ASAP3: variants seen among roughly 807,000 people sequenced by gnomAD.
ASAP3 encodes the protein arf-GAP with SH3 domain, ANK repeat and PH domain-containing protein 3.
ASAP3 carries 85 observed loss-of-function variants against 118.2 expected under a neutral mutation model. That is an observed-to-expected ratio of 0.72 (90% confidence interval 0.60 to 0.86). ASAP3 has a LOEUF of 0.86. ASAP3 is among the 40% of genes least tolerant of loss of function. ASAP3 has a pLI of 0.00. For missense variants in ASAP3, 1,026 were observed against 1,175.0 expected, an observed-to-expected ratio of 0.87 and a Z score of 1.85; for synonymous variants, 432 against 477.4, an observed-to-expected ratio of 0.90 and a Z score of 1.24.
At position 23,434,517 on chromosome 1, in the gene ASAP3, G is replaced by A. The variant is rs751781276; in HGVS notation, c.1835+16C>T. 16 of 1,613,810 alleles carry A rather than the reference G, an allele frequency of 9.9e-6. No individual in the cohort carries two copies. Among genetic ancestry groups the A allele is most frequent in the Non-Finnish European group, 1.1e-5 (13 of 1,179,858 alleles). ...GGAGTGTGAGGAGCCAGACAGACAG[G>A]CAGGGAGGCTCTCACCCGTTCTGGA... On this transcript the variant is annotated intron_variant, in intron 18 of 24. Coordinates refer to ENST00000336689, the MANE Select transcript of ASAP3 (RefSeq NM_017707.4).
intron 3 of ASAP3, among the ~76,000 whole-genome samples, chr1:23,453,209 G>A (rs576342762): frequency 1.2e-4 from 18 of 152,162 alleles, no homozygotes; most frequent in African/African-American, 1.9e-4. Flanking sequence ...TGTAGTGCAC[G>A]TCTGTTGTTC....
chr1:23,454,857 C>G (rs1344059597), intron 3 of ASAP3, among the ~76,000 whole-genome samples: 5 of 152,170 alleles, frequency 3.3e-5, no homozygotes, highest in Non-Finnish European at 4.4e-5. Context: ...AGATGAGAGA[C>G]CTGGGGCTTG....
At chr1:23,471,753 A>G (rs1641966661) in intron 1 of ASAP3, among the ~76,000 whole-genome samples, 1 of 152,184 alleles carries the variant, frequency 6.6e-6, no homozygotes, top group Non-Finnish European at 1.5e-5. Context: ...CAGGCATTTA[A>G]GCACGTGGCC....
chr1:23,484,323 C>A (rs943243457), upstream of ASAP3: 49 of 500,186 alleles, frequency 9.8e-5, no homozygotes, highest in Non-Finnish European at 1.4e-4. Context: ...CCCGGCTCCT[C>A]GCCTTCCTCC....
chr1:23,432,004 A>ATT (rs757118739), intron 22 of ASAP3, 86 bp from the exon 23 acceptor site: 417 of 621,950 alleles, frequency 6.7e-4, no homozygotes, highest in African/African-American at 1.4e-3. Context: ...GGCCTCTAGG[A>ATT]TTTTTTTTTT....
chr1:23,436,525 A>G lies in ASAP3; in HGVS notation c.1571+35T>C, dbSNP rs749367665. 2.5e-6 allele frequency: 4 copies of G among 1,608,034 alleles called. No homozygotes were observed. Among genetic ancestry groups the G allele is most frequent in the South Asian group, 1.1e-5 (1 of 90,972 alleles). On this transcript the variant is annotated intron_variant, in intron 16 of 24. Transcript: ENST00000336689. The surrounding 1 kb of genome is among the most constrained non-coding windows in gnomAD (Gnocchi z 4.2). Reference sequence around the variant, plus strand: ...GGACACTGCGGAGGCAGAATCCCCTAGGCAGGGTGCCCCTCTCTCTGAGAA... The same window carrying G: ...GGACACTGCGGAGGCAGAATCCCCTGGGCAGGGTGCCCCTCTCTCTGAGAA...
chr1:23,431,666 C>T lies in ASAP3; in HGVS notation c.2546+30G>A, dbSNP rs923222401. 6.6e-6 allele frequency: 10 copies of T among 1,511,476 alleles called. No homozygotes were observed. The East Asian group carries it at 2.1e-4, about 32-fold the overall frequency. 93.6% of individuals were successfully genotyped at this position (1,511,476 alleles called of 1,614,324 possible). ...ATGCTCAGAGAAGTCAGGGGATTTG[C>T]CCTGGTTGCACAGCTGGGCCCTCAC... On this transcript the variant is annotated intron_variant, in intron 23 of 24. Coordinates refer to ENST00000336689, the MANE Select transcript of ASAP3 (RefSeq NM_017707.4).
chr1:23,466,013 A>G (rs1324074073), intron 1 of ASAP3, among the ~76,000 whole-genome samples: 1 of 152,148 alleles, frequency 6.6e-6, no homozygotes, highest in African/African-American at 2.4e-5. Flanking sequence ...ACAGAGGGAG[A>G]TCTGTCCAAG....
In ASAP3 at chr1:23,433,510, G is replaced by T. The variant is rs1207185210; in HGVS notation, c.2042C>A (p.Thr681Asn). Residue 681 changes from threonine to asparagine, a missense_variant, in exon 21 of 25, where the codon ACC becomes AAC. By Grantham distance (65) the Thr-to-Asn change is moderately conservative (BLOSUM62 0). Coordinates refer to ENST00000336689, the MANE Select transcript of ASAP3 (RefSeq NM_017707.4). ...EELLEQAQAG[T>N]FAFPLHVDYS... ...GTCCACATGTAGAGGGAAGGCAAAGGTCCCCGCCTGGGCCTGCTCCAGCTG... is the reference window on the plus strand; with the variant it reads ...GTCCACATGTAGAGGGAAGGCAAAGTTCCCCGCCTGGGCCTGCTCCAGCTG... The T allele has an allele frequency of 6.2e-7, 1 of 1,614,164 alleles. No homozygotes were observed. Among genetic ancestry groups the T allele is most frequent in the Non-Finnish European group, 8.5e-7 (1 of 1,180,038 alleles).
intron 1 of ASAP3, among the ~76,000 whole-genome samples, chr1:23,462,246 G>A (rs1431958841): frequency 4.6e-5 from 7 of 151,076 alleles, no homozygotes; most frequent in South Asian, 4.2e-4. Flanking sequence ...GGATGGTCTC[G>A]ATCTCCTGAC....
Position 23,452,723 on chromosome 1 carries a change from T to C in ASAP3, c.397A>G (p.Lys133Glu). 1 of 1,613,868 alleles carries C rather than the reference T, an allele frequency of 6.2e-7. No homozygotes were observed. The highest frequency in any genetic ancestry group is 8.5e-7 in the Non-Finnish European group (1 of 1,179,996). Residue 133 changes from lysine to glutamate, a missense_variant, in exon 4 of 25, where the codon AAG becomes GAG. By Grantham distance (56) the Lys-to-Glu change is moderately conservative. Transcript: ENST00000336689. Reference protein sequence around the residue: ...IVSFPLDSLMKGQLRDGRQDS... With the variant: ...IVSFPLDSLMEGQLRDGRQDS... Reference sequence around the variant, plus strand: ...TGTCGACCGTCCCTCAGCTGCCCCTTCATCAGACTGTCCAGGGGGAAAGAG... The same window carrying C: ...TGTCGACCGTCCCTCAGCTGCCCCTCCATCAGACTGTCCAGGGGGAAAGAG...
intron 5 of ASAP3, among the ~76,000 whole-genome samples, chr1:23,444,846 G>A (rs535708411): frequency 6.6e-5 from 10 of 152,098 alleles, no homozygotes; most frequent in Admixed American, 1.3e-4. Flanking sequence ...TGTTATGGGG[G>A]GCTGCCTGGT....
chr1:23,451,980 C>G (rs1211917190), intron 4 of ASAP3, among the ~76,000 whole-genome samples: 1 of 152,210 alleles, frequency 6.6e-6, no homozygotes, highest in Non-Finnish European at 1.5e-5. Context: ...GGTCAAGGAA[C>G]ATGCACAGAG....
In ASAP3 at chr1:23,440,500, C is replaced by CAAA. The variant is rs35344912; in HGVS notation, c.944+599_944+601dup. On this transcript the variant is annotated intron_variant, in intron 10 of 24. Coordinates refer to ENST00000336689, the MANE Select transcript of ASAP3 (RefSeq NM_017707.4). ...TGGGTGACGGAGGGAGACTCCATCT[C>CAAA]AAAAAAAAAAAAAAAAAAAAAAAAA... Among the ~76,000 whole-genome samples the CAAA allele has an allele frequency of 3.7e-3, 90 of 24,316 alleles. 6 individuals carry two copies. The highest frequency in any genetic ancestry group is 8.9e-3 in the African/African-American group (43 of 4,836). 16.0% of individuals were successfully genotyped at this position (24,316 alleles called of 152,430 possible). A position where few individuals can be genotyped will look rare whatever the true frequency, so the allele number is the denominator to read the frequency against.
At chr1:23,430,266 C>T (rs1640378296) in intron 24 of ASAP3, among the ~76,000 whole-genome samples, 1 of 152,194 alleles carries the variant, frequency 6.6e-6, no homozygotes, top group Non-Finnish European at 1.5e-5. Flanking sequence ...ATTCCCCAGA[C>T]AGAACCAGCT....
chr1:23,434,189 A>G, intron 19 of ASAP3, 65 bp downstream of exon 19: 2 of 1,509,968 alleles, frequency 1.3e-6, no homozygotes, highest in Non-Finnish European at 1.8e-6. Flanking sequence ...GCCCGAGACC[A>G]TCGGAAGTCC....
At chr1:23,457,432 G>A (rs763768606) in intron 1 of ASAP3, among the ~76,000 whole-genome samples, 2 of 152,186 alleles carry the variant, frequency 1.3e-5, no homozygotes, top group Non-Finnish European at 2.9e-5. Context: ...CTCAGAGGCC[G>A]GTGGCATGTG....
chr1:23,441,223 A>G lies in ASAP3; in HGVS notation c.835-12T>C. The G allele has an allele frequency of 6.2e-7, 1 of 1,614,142 alleles. No homozygotes were observed. The highest frequency in any genetic ancestry group is 8.5e-7 in the Non-Finnish European group (1 of 1,180,000). ...CGGCTCAGGTGTTCCTGTCCCTCGG[A>G]CATGCAAAGGAGACCTCAGGGCATC... On this transcript the variant is annotated splice_polypyrimidine_tract_variant and intron_variant, in intron 9 of 24. Coordinates refer to ENST00000336689, the MANE Select transcript of ASAP3 (RefSeq NM_017707.4).
At chr1:23,453,492 T>C (rs1641289382) in intron 3 of ASAP3, among the ~76,000 whole-genome samples, 1 of 152,102 alleles carries the variant, frequency 6.6e-6, no homozygotes, top group Non-Finnish European at 1.5e-5. Context: ...GGCTATCCTG[T>C]CCACTGAGCA....
Sources: allele counts gnomAD v4.1 joint callset (sites outside exome capture counted in the v4.1 genomes callset), GRCh38; gene constraint gnomAD v4.1.1; non-coding constraint Gnocchi (gnomAD v3.1); transcripts MANE v1.5; gene names NCBI Gene and HGNC (gene_info 2026-07-23, HGNC 2026-07-21).